ZW10: variants seen among roughly 807,000 people sequenced by gnomAD.
ZW10 encodes zw10 kinetochore protein.
A neutral mutation model predicts 87.8 loss-of-function variants in ZW10; 53 were observed. The ratio of observed to expected loss-of-function variants is 0.60; its 90% CI spans 0.48 to 0.76. The LOEUF is 0.76. Ranked by LOEUF, ZW10 falls within the 30% of genes least tolerant of loss-of-function variation. ZW10 has a pLI of 0.00. For synonymous variants in ZW10, 312 were observed against 329.2 expected, an observed-to-expected ratio of 0.95 and a Z score of 0.57; for missense variants, 837 against 923.0, an observed-to-expected ratio of 0.91 and a Z score of 1.21.
At chr11:113,767,087 C>T (rs1189790759) in intron 2 of ZW10, among the ~76,000 whole-genome samples, 1 of 151,708 alleles carries the variant, frequency 6.6e-6, no homozygotes, top group Admixed American at 6.6e-5. Flanking sequence ...AAGTTAAAAT[C>T]CTAGATCCCC....
chr11:113,733,710 A>T lies in ZW10; in HGVS notation c.2324T>A (p.Leu775His). Residue 775 changes from leucine to histidine, a missense_variant, in exon 16 of 16, where the codon CTT becomes CAT. Transcript: ENST00000200135. The part of the protein sequence containing the change: ...FQNTERRAAA[L>H]AKIK ...AAGATGGAGCTATTTAATTTTAGCA[A>T]GGGCAGCTGCTCTTCTTTCTGTGTT... 1 of 1,614,094 alleles carries T rather than the reference A, an allele frequency of 6.2e-7. No homozygotes were observed. The highest frequency in any genetic ancestry group is 8.5e-7 in the Non-Finnish European group (1 of 1,179,990).
intron 10 of ZW10, among the ~76,000 whole-genome samples, chr11:113,742,793 A>T (rs796801901): frequency 4.5e-4 from 69 of 152,324 alleles, no homozygotes; most frequent in African/African-American, 1.5e-3. Context: ...CTCTGAATGG[A>T]CATGTGAATG....
At chr11:113,741,235 C>CT (rs1335194294) in intron 11 of ZW10, among the ~76,000 whole-genome samples, 3 of 152,164 alleles carry the variant, frequency 2.0e-5, no homozygotes, top group African/African-American at 7.2e-5. Context: ...CCACCTCTGC[C>CT]TTCCAAGGTG....
At chr11:113,765,650 T>C (rs1953901358) in intron 2 of ZW10, among the ~76,000 whole-genome samples, 1 of 152,238 alleles carries the variant, frequency 6.6e-6, no homozygotes, top group Non-Finnish European at 1.5e-5. Context: ...TCACTGGGTC[T>C]GGATTGAGGC....
intron 7 of ZW10, among the ~76,000 whole-genome samples, chr11:113,756,442 C>T (rs1953786592): frequency 1.3e-5 from 2 of 152,190 alleles, no homozygotes; most frequent in Admixed American, 6.5e-5. Context: ...TATGGCTCCA[C>T]ACCATAGAAA....
At chr11:113,751,899 C>T (rs937211974) in intron 7 of ZW10, among the ~76,000 whole-genome samples, 3 of 151,896 alleles carry the variant, frequency 2.0e-5, no homozygotes, top group Admixed American at 6.6e-5. Flanking sequence ...ACTAATGATT[C>T]CCTTATTGCT....
At position 113,737,681 on chromosome 11, in the gene ZW10, A is replaced by G; in HGVS notation, c.1907T>C (p.Leu636Pro). 1 of 1,613,232 alleles carries G rather than the reference A, an allele frequency of 6.2e-7. No homozygotes were observed. Among genetic ancestry groups the G allele is most frequent in the African/African-American group, 1.3e-5 (1 of 75,044 alleles). Reference sequence around the variant, plus strand: ...CAGGACATCCTGCCACACAATTCCAAGTCTCTTTAGTTGGTGCAGTACCTG... The same window carrying G: ...CAGGACATCCTGCCACACAATTCCAGGTCTCTTTAGTTGGTGCAGTACCTG... ...VRQVLHQLKR[L>P]GIVWQDVLPV... The change falls in exon 14 of 16, where the codon CTT (leucine) becomes CCT (proline). Residue 636 changes from leucine to proline, a missense_variant. Physicochemically the swap from Leu to Pro is moderately conservative, Grantham distance 98. Coordinates refer to ENST00000200135, the MANE Select transcript of ZW10 (RefSeq NM_004724.4).
intron 1 of ZW10, 58 bp downstream of exon 1, chr11:113,773,504 C>T (rs1391641022): frequency 1.4e-6 from 2 of 1,478,826 alleles, no homozygotes; most frequent in African/African-American, 2.8e-5. Flanking sequence ...CTCTCCAGTC[C>T]CTTCACACAA....
At chr11:113,760,099 G>GTCGCCGT in intron 5 of ZW10, 110 bp downstream of exon 5, 1 of 1,307,232 alleles carries the variant, frequency 7.6e-7, no homozygotes, top group Non-Finnish European at 1.0e-6. Flanking sequence ...TACAGACATG[G>GTCGCCGT]AAGATTATGA....
At chr11:113,768,108 A>G (rs1953926426) in intron 2 of ZW10, among the ~76,000 whole-genome samples, 1 of 152,246 alleles carries the variant, frequency 6.6e-6, no homozygotes, top group Non-Finnish European at 1.5e-5. Context: ...ACTGCCTGGC[A>G]CCTTTTAAGT....
rs1953808738 is a variant in ZW10, at chr11:113,757,846, C to T, written c.741G>A (p.Met247Ile). The change falls in exon 7 of 16, where the codon ATG becomes ATA. Residue 247 changes from methionine (M) to isoleucine (I), a missense_variant. Coordinates refer to ENST00000200135, the MANE Select transcript of ZW10 (RefSeq NM_004724.4). ...GCGGCCTAAGGATATACTTCAGCAG[C>T]ATCTGACCTGAAAAATCATATGAAC... ...LHSKLKSFGQ[M>I]LLKYILRPLA... 3 of 1,588,006 alleles carry T rather than the reference C, an allele frequency of 1.9e-6. No individual in the cohort carries two copies. The highest frequency in any genetic ancestry group is 2.6e-6 in the Non-Finnish European group (3 of 1,165,100).
Position 113,760,691 on chromosome 11 carries a change from T to TAA in ZW10, c.343-103_343-102dup, listed in dbSNP as rs56870346. On this transcript the variant is annotated intron_variant, in intron 3 of 15. Transcript: ENST00000200135. ...CCACTTTCCCTCCCCCTCCCCCCTC[T>TAA]AAAAAAAAAAAAAGAAAGAAAAAAA... 3.3e-3 allele frequency: 2,463 copies of TAA among 745,736 alleles called. 5 individuals are homozygous for TAA. The highest frequency in any genetic ancestry group is 9.1e-3 in the African/African-American group (398 of 43,764). The allele number at this position is 745,736 out of a possible 1,614,324, so 46.2% of individuals were successfully genotyped here. A position where few individuals can be genotyped will look rare whatever the true frequency, so the allele number is the denominator to read the frequency against.
chr11:113,772,263 CT>C (rs1420825133), intron 1 of ZW10, among the ~76,000 whole-genome samples: 1 of 152,156 alleles, frequency 6.6e-6, no homozygotes, highest in Non-Finnish European at 1.5e-5. Flanking sequence ...CACGCAGGAG[CT>C]AGGGTCGCTT....
intron 7 of ZW10, among the ~76,000 whole-genome samples, chr11:113,750,592 C>G (rs1953724458): frequency 6.6e-6 from 1 of 152,166 alleles, no homozygotes. Context: ...GCATGAGCCA[C>G]CGCGCCTGGC....
intron 7 of ZW10, among the ~76,000 whole-genome samples, chr11:113,751,445 T>C (rs576623848): frequency 6.6e-6 from 1 of 152,374 alleles, no homozygotes; most frequent in African/African-American, 2.4e-5. Flanking sequence ...AGTTGTTGTC[T>C]GTTTTCCACA....
chr11:113,738,459 T>C, intron 12 of ZW10, 65 bp from the exon 13 acceptor site: 5 of 1,508,242 alleles, frequency 3.3e-6, no homozygotes, highest in East Asian at 2.3e-5. Context: ...AAAACCAGGA[T>C]AGACAAGAGA....
At chr11:113,772,611 C>A (rs1437550609) in intron 1 of ZW10, among the ~76,000 whole-genome samples, 1 of 152,090 alleles carries the variant, frequency 6.6e-6, no homozygotes, top group Admixed American at 6.5e-5. Context: ...AATCTCAAGG[C>A]AGCAACGTTT....
At chr11:113,741,100 ATACTT>A (rs139716224) in intron 11 of ZW10, among the ~76,000 whole-genome samples, 11,527 of 152,092 alleles carry the variant, frequency 0.076, 584 homozygotes, top group Non-Finnish European at 0.11. Context: ...GAACTAAAAA[ATACTT>A]TAAATAGTAA....
chr11:113,733,870 G>T, intron 15 of ZW10, 56 bp from the exon 16 acceptor site: 19 of 1,518,008 alleles, frequency 1.3e-5, no homozygotes, highest in Non-Finnish European at 1.7e-5. Context: ...GTATAAGCAA[G>T]ACTTAAAAAT....
Sources: gnomAD v4.1 joint callset for allele counts (sites outside exome capture counted in the v4.1 genomes callset) on GRCh38, gnomAD v4.1.1 for gene constraint, MANE v1.5 for transcripts, NCBI Gene and HGNC (gene_info 2026-07-23, HGNC 2026-07-21) for gene names.